BMERB1: variants seen among roughly 807,000 people sequenced by gnomAD.
BMERB1 encodes bMERB domain containing 1.
In BMERB1, 12 loss-of-function variants were observed where a neutral mutation model predicts 23.6. That is an observed-to-expected ratio of 0.51 (90% CI 0.33 to 0.82). BMERB1 has a LOEUF of 0.82. Ranked by LOEUF, BMERB1 falls within the 40% of genes least tolerant of loss-of-function variation. The pLI is 0.03. For missense variants in BMERB1, 247 were observed against 255.4 expected, an observed-to-expected ratio of 0.97 and a Z score of 0.22; for synonymous variants, 122 against 96.6, an observed-to-expected ratio of 1.26 and a Z score of -1.54.
At chr16:15,509,456 G>C (rs1567475079) in intron 1 of BMERB1, among the ~76,000 whole-genome samples, 1 of 152,092 alleles carries the variant, frequency 6.6e-6, no homozygotes, top group East Asian at 1.9e-4. Context: ...GTAAAATAGA[G>C]ATTAAATGAG....
chr16:15,584,445 C>T (rs1331025512), intron 5 of BMERB1, among the ~76,000 whole-genome samples: 1 of 151,588 alleles, frequency 6.6e-6, no homozygotes, highest in Non-Finnish European at 1.5e-5. Context: ...GTATTCCCAG[C>T]TACTCGGGAA....
intron 2 of BMERB1, among the ~76,000 whole-genome samples, chr16:15,539,172 G>A (rs1167650400): frequency 6.6e-6 from 1 of 152,144 alleles, no homozygotes; most frequent in African/African-American, 2.4e-5. Flanking sequence ...CCCATCTGTG[G>A]GCGATGGGAG....
At chr16:15,461,049 C>T (rs1250885003) in intron 1 of BMERB1, among the ~76,000 whole-genome samples, 2 of 151,166 alleles carry the variant, frequency 1.3e-5, no homozygotes, top group Non-Finnish European at 2.9e-5. Flanking sequence ...CGCTTGAACC[C>T]AGGAGGCAGA....
At chr16:15,435,274 G>T (rs1008034636) in intron 1 of BMERB1, among the ~76,000 whole-genome samples, 2 of 152,194 alleles carry the variant, frequency 1.3e-5, no homozygotes, top group East Asian at 3.9e-4. Flanking sequence ...CCTTGGGTCG[G>T]GGTGGGAGGC....
chr16:15,530,939 C>T (rs547356052), intron 2 of BMERB1, among the ~76,000 whole-genome samples: 2 of 141,328 alleles, frequency 1.4e-5, no homozygotes, highest in African/African-American at 2.6e-5. Flanking sequence ...CGGAGTCTCG[C>T]ACTGTCACTG....
chr16:15,573,081 T>C (rs1280978684), intron 3 of BMERB1, among the ~76,000 whole-genome samples: 1 of 152,156 alleles, frequency 6.6e-6, no homozygotes. Context: ...AGCGTGAAAA[T>C]GGACTAATAC....
intron 1 of BMERB1, among the ~76,000 whole-genome samples, chr16:15,452,889 C>A (rs2051054106): frequency 6.6e-6 from 1 of 152,130 alleles, no homozygotes; most frequent in African/African-American, 2.4e-5. Context: ...GTGTATTCTC[C>A]CATGGCAAGA....
rs562202468 is a variant in BMERB1, at chr16:15,438,774, C to T, written c.106+4015C>T. ...CATGCCTGGGCCTGTTTTCTAGATG[C>T]GTGTTTGCACGCAGGGGGTGTTTGA... On this transcript the variant is annotated intron_variant, in intron 1 of 5. Coordinates refer to ENST00000300006, the MANE Select transcript of BMERB1 (RefSeq NM_033201.3). Among the ~76,000 whole-genome samples, 33 of 152,260 alleles carry T rather than the reference C, an allele frequency of 2.2e-4. 1 individual carries two copies. The South Asian group carries it at 6.4e-3, about 30-fold the overall frequency.
intron 2 of BMERB1, among the ~76,000 whole-genome samples, chr16:15,542,834 G>T (rs1326096289): frequency 6.6e-6 from 1 of 152,118 alleles, no homozygotes; most frequent in African/African-American, 2.4e-5. Context: ...CTTGCAGGAG[G>T]GGGAGCATGC....
chr16:15,571,610 C>T (rs1400486875), intron 3 of BMERB1, among the ~76,000 whole-genome samples: 1 of 152,124 alleles, frequency 6.6e-6, no homozygotes, highest in African/African-American at 2.4e-5. Context: ...CACCTCAAGC[C>T]TCCCAAAGTG....
intron 2 of BMERB1, among the ~76,000 whole-genome samples, chr16:15,554,769 C>A (rs2030200931): frequency 6.6e-6 from 1 of 151,796 alleles, no homozygotes; most frequent in Non-Finnish European, 1.5e-5. Context: ...CAGGTTCACG[C>A]CATTCTCCTG....
chr16:15,450,049 G>T (rs1255331149), intron 1 of BMERB1, among the ~76,000 whole-genome samples: 1 of 151,820 alleles, frequency 6.6e-6, no homozygotes, highest in East Asian at 1.9e-4. Context: ...ATCACACCCA[G>T]CCCTGATACA....
At position 15,473,061 on chromosome 16, in the gene BMERB1, T is replaced by C. The variant is rs1024462141; in HGVS notation, c.106+38302T>C. ...TTTCAGTAGAGATGAGGTTTCGCCA[T>C]GTTGGCCAGGCTGGTCTCAAACTCC... On this transcript the variant is annotated intron_variant, in intron 1 of 5. Transcript: ENST00000300006. Among the ~76,000 whole-genome samples, 8 of 152,122 alleles carry C rather than the reference T, an allele frequency of 5.3e-5. No individual in the cohort carries two copies. In the East Asian group the frequency reaches 1.2e-3, roughly 22 times the overall value.
At chr16:15,554,440 T>C (rs183712166) in intron 2 of BMERB1, among the ~76,000 whole-genome samples, 1 of 152,290 alleles carries the variant, frequency 6.6e-6, no homozygotes, top group Non-Finnish European at 1.5e-5. Context: ...TACTAGCAAT[T>C]ATACTTCTGT....
At chr16:15,538,705 C>G (rs1471122577) in intron 2 of BMERB1, among the ~76,000 whole-genome samples, 1 of 152,156 alleles carries the variant, frequency 6.6e-6, no homozygotes, top group Non-Finnish European at 1.5e-5. Context: ...CATTAACCGC[C>G]TGGAGGAGTG....
At chr16:15,487,095 A>G (rs562802344) in intron 1 of BMERB1, among the ~76,000 whole-genome samples, 1 of 152,356 alleles carries the variant, frequency 6.6e-6, no homozygotes, top group Non-Finnish European at 1.5e-5. Context: ...ATGGGAAAAT[A>G]GGGCTGAATA....
intron 2 of BMERB1, among the ~76,000 whole-genome samples, chr16:15,539,223 G>T (rs1204947439): frequency 6.6e-6 from 1 of 152,122 alleles, no homozygotes; most frequent in Non-Finnish European, 1.5e-5. Flanking sequence ...TATAAGGAGC[G>T]TGCAACCTAG....
intron 1 of BMERB1, among the ~76,000 whole-genome samples, chr16:15,435,169 G>A (rs879829498): frequency 1.3e-5 from 2 of 152,184 alleles, no homozygotes; most frequent in Non-Finnish European, 2.9e-5. Flanking sequence ...TCCCTGGAGA[G>A]GGGGGAGTGT....
chr16:15,488,299 C>T (rs1365647829), intron 1 of BMERB1, among the ~76,000 whole-genome samples: 1 of 152,162 alleles, frequency 6.6e-6, no homozygotes. Context: ...TGCCCCCCGT[C>T]CAAATATTCA....
Sources: allele counts gnomAD v4.1 joint callset (sites outside exome capture counted in the v4.1 genomes callset), GRCh38; gene constraint gnomAD v4.1.1; transcripts MANE v1.5; gene names NCBI Gene and HGNC (gene_info 2026-07-23, HGNC 2026-07-21).